Variants in ATR observed in about 807,000 individuals in gnomAD.
ATR encodes ATR checkpoint kinase.
Under a neutral mutation model 305.3 loss-of-function variants are expected in ATR, and 142 were observed. The ratio of observed to expected loss-of-function variants is 0.47; its 90% CI spans 0.41 to 0.53. The LOEUF (loss-of-function observed/expected upper bound fraction) is 0.53, where lower values mean the gene tolerates loss of function less well. Ranked by LOEUF, ATR falls within the 20% of genes least tolerant of loss-of-function variation. ATR has a pLI of 0.00. For missense variants in ATR, 2,135 were observed against 3,133.1 expected, an observed-to-expected ratio of 0.68 and a Z score of 7.60; for synonymous variants, 1,050 against 1,068.1, an observed-to-expected ratio of 0.98 and a Z score of 0.33.
chr3:142,492,653 T>A (rs1350920372), intron 35 of ATR, among the ~76,000 whole-genome samples: 1 of 152,212 alleles, frequency 6.6e-6, no homozygotes, highest in Non-Finnish European at 1.5e-5. Flanking sequence ...AAATAAAAAT[T>A]TAAATCCCTT....
chr3:142,457,273 G>A (rs908741717), intron 45 of ATR, among the ~76,000 whole-genome samples: 5 of 152,086 alleles, frequency 3.3e-5, no homozygotes, highest in African/African-American at 1.2e-4. Context: ...TTATAAATGA[G>A]TGGTTACAAG....
At position 142,540,977 on chromosome 3, in the gene ATR, C is replaced by G; in HGVS notation, c.3508G>C (p.Val1170Leu). The change falls in exon 18 of 47, where the codon GTG becomes CTG. Residue 1170 changes from valine (V) to leucine (L), a missense_variant. By Grantham distance (32) the Val-to-Leu change is conservative. Around this residue, in one of 9 missense-constraint regions of ATR, gnomAD observed 530 missense variants for 766.8 expected, o/e 0.69. Coordinates refer to ENST00000350721, the MANE Select transcript of ATR (RefSeq NM_001184.4). ...AGTGTGGTCATCATCTTCACCCTCA[C>G]AGAACTGACATGTTTGGGTCCCATT... ...KLMGPKHVSS[V>L]RVKMMTTLRT... 1 of 1,613,664 alleles carries G rather than the reference C, an allele frequency of 6.2e-7. No homozygotes were observed. The highest frequency in any genetic ancestry group is 8.5e-7 in the Non-Finnish European group (1 of 1,179,746).
At chr3:142,551,208 T>C (rs1436267296) in intron 13 of ATR, among the ~76,000 whole-genome samples, 1 of 152,144 alleles carries the variant, frequency 6.6e-6, no homozygotes, top group Non-Finnish European at 1.5e-5. Context: ...GGCCAGGAGT[T>C]AGAGAGCAGC....
Position 142,578,720 on chromosome 3 carries a change from C to G in ATR, c.-16G>C. ...GTTCCCCCATGCTGAGGCTGCGAGG[C>G]ACTAGTCAACCACGCCAACGCGGGT... On this transcript the variant is annotated 5_prime_UTR_variant, in exon 1 of 47. Coordinates refer to ENST00000350721, the MANE Select transcript of ATR (RefSeq NM_001184.4). 2 of 1,610,926 alleles carry G rather than the reference C, an allele frequency of 1.2e-6. No individual in the cohort carries two copies. Among genetic ancestry groups the G allele is most frequent in the Non-Finnish European group, 1.7e-6 (2 of 1,179,354 alleles).
rs2108395925 is a variant in ATR at position 142,522,793 on chromosome 3, T to A, written c.4201A>T (p.Thr1401Ser). The change falls in exon 23 of 47, where the codon ACA becomes TCA. Residue 1401 changes from threonine to serine, a missense_variant. Around this residue, in one of 9 missense-constraint regions of ATR, gnomAD observed 530 missense variants for 766.8 expected, o/e 0.69. Coordinates refer to ENST00000350721, the MANE Select transcript of ATR (RefSeq NM_001184.4). Reference protein sequence around the residue: ...SFAYGLLMELTRAYLAYADNS... With the variant: ...SFAYGLLMELSRAYLAYADNS... ...TCAGCATACGCAAGGTAAGCTCTTGTTAGCTCCATCAATAATCCATAGGCA... is the reference window on the plus strand; with the variant it reads ...TCAGCATACGCAAGGTAAGCTCTTGATAGCTCCATCAATAATCCATAGGCA... The A allele has an allele frequency of 1.2e-6, 2 of 1,613,950 alleles. No individual in the cohort carries two copies. Among genetic ancestry groups the A allele is most frequent in the Non-Finnish European group, 1.7e-6 (2 of 1,179,930 alleles).
chr3:142,483,857 G>A (rs534664417), intron 36 of ATR, among the ~76,000 whole-genome samples: 16 of 148,428 alleles, frequency 1.1e-4, no homozygotes, highest in Middle Eastern at 3.5e-3. Context: ...AAAATAAAAT[G>A]AAATAAAATA....
intron 27 of ATR, among the ~76,000 whole-genome samples, chr3:142,510,115 G>GAAAAA (rs397760180): frequency 3.1e-5 from 3 of 95,286 alleles, no homozygotes; most frequent in Non-Finnish European, 6.1e-5. Context: ...GACTGTCTCA[G>GAAAAA]AAAAAAAAAA....
At chr3:142,525,341 AC>A (rs1229695626) in intron 21 of ATR, among the ~76,000 whole-genome samples, 2 of 150,886 alleles carry the variant, frequency 1.3e-5, no homozygotes, top group Admixed American at 6.6e-5. Context: ...TATTCTCATA[AC>A]CTTTTTTTTT....
intron 36 of ATR, among the ~76,000 whole-genome samples, chr3:142,471,487 TAGA>T (rs1385797821): frequency 1.3e-5 from 2 of 152,194 alleles, no homozygotes; most frequent in Admixed American, 6.5e-5. Context: ...TCTACAACTA[TAGA>T]AGAAGTGGGG....
chr3:142,535,940 A>G (rs2033841796), intron 20 of ATR, among the ~76,000 whole-genome samples, 168 bp downstream of exon 20: 1 of 152,202 alleles, frequency 6.6e-6, no homozygotes, highest in African/African-American at 2.4e-5. Context: ...ACTTCCCTCC[A>G]AAAGTCATGG....
At chr3:142,499,220 TA>T (rs370417231) in intron 31 of ATR, 15 of 347,146 alleles carry the variant, frequency 4.3e-5, no homozygotes, top group African/African-American at 3.0e-4. Flanking sequence ...AAGGCAATCA[TA>T]AAACAGGCTA....
chr3:142,527,269 T>G (rs1385711882), intron 21 of ATR, among the ~76,000 whole-genome samples: 1 of 152,162 alleles, frequency 6.6e-6, no homozygotes, highest in Non-Finnish European at 1.5e-5. Flanking sequence ...TTTCCTATAC[T>G]CCAGGACAAT....
rs148449584 is a variant in ATR, at chr3:142,509,892, G to C, written c.4853-1783C>G. ...GCACTCTGGGAGGCCAAGGCAGGTG[G>C]ATCGCCTGAGCGCAGGAGTTTGGGA... On this transcript the variant is annotated intron_variant, in intron 27 of 46. Transcript: ENST00000350721. Among the ~76,000 whole-genome samples the C allele has an allele frequency of 2.7e-3, 410 of 152,262 alleles. 4 individuals carry two copies. Among genetic ancestry groups the C allele is most frequent in the African/African-American group, 9.4e-3 (390 of 41,566 alleles).
intron 34 of ATR, among the ~76,000 whole-genome samples, chr3:142,495,768 T>C (rs902818686): frequency 6.6e-6 from 1 of 151,624 alleles, no homozygotes; most frequent in African/African-American, 2.4e-5. Context: ...AATAAATAAA[T>C]AAAAATAAAA....
chr3:142,456,056 C>T (rs550778755), intron 45 of ATR, among the ~76,000 whole-genome samples: 2 of 152,194 alleles, frequency 1.3e-5, no homozygotes, highest in Non-Finnish European at 2.9e-5. Flanking sequence ...TGGCTCATGC[C>T]TGTAATCCCA....
At chr3:142,466,270 G>A (rs897344162) in intron 40 of ATR, 54 bp downstream of exon 40, 1 of 1,518,136 alleles carries the variant, frequency 6.6e-7, no homozygotes. Flanking sequence ...ATCTTAATTT[G>A]AAGTTTTTAA....
chr3:142,554,080 T>C, intron 10 of ATR, 65 bp from the exon 11 acceptor site: 1 of 1,339,270 alleles, frequency 7.5e-7, no homozygotes, highest in Non-Finnish European at 1.0e-6. Context: ...ACTGTAAAAA[T>C]ATTGTCAACA....
At chr3:142,559,677 G>A (rs1273490845) in intron 6 of ATR, among the ~76,000 whole-genome samples, 1 of 152,174 alleles carries the variant, frequency 6.6e-6, no homozygotes, top group Non-Finnish European at 1.5e-5. Context: ...CCTGAGGTGG[G>A]AGGATCACTT....
intron 36 of ATR, among the ~76,000 whole-genome samples, chr3:142,472,777 G>A (rs1212422020): frequency 3.9e-5 from 6 of 151,942 alleles, no homozygotes; most frequent in African/African-American, 1.5e-4. Context: ...AGCTGGGACT[G>A]CAGGTGCATA....
Sources: allele counts gnomAD v4.1 joint callset (sites outside exome capture counted in the v4.1 genomes callset), GRCh38; gene constraint gnomAD v4.1.1; regional missense constraint gnomAD v4.1.1; transcripts MANE v1.5; gene names NCBI Gene and HGNC (gene_info 2026-07-23, HGNC 2026-07-21).